Variants in GPC5 observed in about 807,000 individuals in gnomAD.
GPC5 encodes glypican-5.
GPC5 carries 47 observed loss-of-function variants against 53.9 expected under a neutral mutation model. That is an observed-to-expected ratio of 0.87 (90% CI 0.69 to 1.11). The LOEUF (loss-of-function observed/expected upper bound fraction) is 1.11. Among genes scored for constraint, GPC5 ranks in the 50% most tolerant of loss-of-function variants. The pLI is 0.00. For synonymous variants in GPC5, 286 were observed against 263.3 expected, an observed-to-expected ratio of 1.09 and a Z score of -0.84; for missense variants, 748 against 713.1, an observed-to-expected ratio of 1.05 and a Z score of -0.56.
Position 92,158,302 on chromosome 13 carries a change from T to C in GPC5, c.1561+13313T>C, listed in dbSNP as rs76567289. On this transcript the variant is annotated intron_variant, in intron 7 of 7. Coordinates refer to ENST00000377067, the MANE Select transcript of GPC5 (RefSeq NM_004466.6). Reference sequence around the variant, plus strand: ...CAGAAGCCTATATATACAGTTGTCCTATAGAGCCGTTTAGACTTATTCTGA... The same window carrying C: ...CAGAAGCCTATATATACAGTTGTCCCATAGAGCCGTTTAGACTTATTCTGA... Among the ~76,000 whole-genome samples, 241 of 152,302 alleles carry C rather than the reference T, an allele frequency of 1.6e-3. 1 individual carries two copies. Among genetic ancestry groups the C allele is most frequent in the African/African-American group, 5.6e-3 (233 of 41,574 alleles).
intron 7 of GPC5, among the ~76,000 whole-genome samples, chr13:92,536,839 G>A (rs1037721118): frequency 6.6e-6 from 1 of 151,994 alleles, no homozygotes; most frequent in Non-Finnish European, 1.5e-5. Flanking sequence ...ATAGAAAAAA[G>A]AGTCAAATAC....
intron 2 of GPC5, among the ~76,000 whole-genome samples, chr13:91,601,097 C>A (rs926120972): frequency 1.3e-5 from 2 of 152,094 alleles, no homozygotes; most frequent in African/African-American, 2.4e-5. Context: ...ATTGTGAGGG[C>A]ATCTTCAAGA....
chr13:92,562,653 C>A (rs1021894888), intron 7 of GPC5, among the ~76,000 whole-genome samples: 1 of 151,962 alleles, frequency 6.6e-6, no homozygotes, highest in South Asian at 2.1e-4. Context: ...GCTGCGAAAT[C>A]ATCTTTGCTT....
chr13:91,615,864 C>A (rs183125101), intron 2 of GPC5, among the ~76,000 whole-genome samples: 30 of 152,224 alleles, frequency 2.0e-4, no homozygotes, highest in African/African-American at 7.0e-4. Flanking sequence ...CACTCCCCTC[C>A]CTTTTAAAAT....
chr13:91,872,916 T>TA (rs897621063), intron 5 of GPC5, among the ~76,000 whole-genome samples: 3 of 152,170 alleles, frequency 2.0e-5, no homozygotes, highest in African/African-American at 4.8e-5. Context: ...TGGTTTTACT[T>TA]AAAAAACCAG....
At chr13:92,649,717 C>T (rs1301724532) in intron 7 of GPC5, among the ~76,000 whole-genome samples, 1 of 152,094 alleles carries the variant, frequency 6.6e-6, no homozygotes, top group Non-Finnish European at 1.5e-5. Context: ...TTTTGTAAAA[C>T]AAACTTGGTT....
intron 7 of GPC5, among the ~76,000 whole-genome samples, chr13:92,382,921 C>T (rs886679382): frequency 2.7e-5 from 4 of 147,560 alleles, no homozygotes; most frequent in Non-Finnish European, 5.9e-5. Context: ...GAGAATAGCG[C>T]GAACCCGGGA....
chr13:91,498,942 G>T (rs1043622366), intron 2 of GPC5, among the ~76,000 whole-genome samples: 5 of 150,950 alleles, frequency 3.3e-5, no homozygotes, highest in Non-Finnish European at 7.4e-5. Context: ...CTGCACTCCA[G>T]CCTGGGGAAC....
Position 91,762,676 on chromosome 13 carries a change from C to G in GPC5, c.1280+6256C>G, listed in dbSNP as rs546484370. On this transcript the variant is annotated intron_variant, in intron 5 of 7. Transcript: ENST00000377067. ...CTTCCTAATAATTATCATTATCATA[C>G]CTATAGCCTATCATATTTGGTTCAG... 7.9e-5 allele frequency among the ~76,000 whole-genome samples: 12 copies of G among 151,468 alleles called. No individual in the cohort carries two copies. In the South Asian group the frequency reaches 2.5e-3, roughly 32 times the overall value.
intron 7 of GPC5, among the ~76,000 whole-genome samples, chr13:92,187,386 G>A (rs2042191743): frequency 6.6e-6 from 1 of 152,110 alleles, no homozygotes; most frequent in Non-Finnish European, 1.5e-5. Flanking sequence ...CCCCTTGAGA[G>A]GACTCAAAAA....
chr13:92,613,361 ATATT>A (rs1884518490), intron 7 of GPC5, among the ~76,000 whole-genome samples: 6 of 90,788 alleles, frequency 6.6e-5, no homozygotes, highest in South Asian at 7.9e-4. Context: ...AATATATAAT[ATATT>A]TATATATAAA....
chr13:91,800,652 T>C (rs1449964431), intron 5 of GPC5, among the ~76,000 whole-genome samples: 17 of 152,206 alleles, frequency 1.1e-4, no homozygotes, highest in African/African-American at 2.4e-5. Context: ...AGAGGTTTTT[T>C]AAAAGACCTT....
chr13:91,973,375 T>G (rs891653894), intron 6 of GPC5, among the ~76,000 whole-genome samples: 9 of 152,220 alleles, frequency 5.9e-5, no homozygotes, highest in Non-Finnish European at 1.0e-4. Context: ...CGTCTAATTA[T>G]TTTTCAAAGT....
intron 7 of GPC5, among the ~76,000 whole-genome samples, chr13:92,581,723 CTTG>C (rs1324224347): frequency 1.3e-5 from 2 of 152,094 alleles, no homozygotes; most frequent in African/African-American, 4.8e-5. Context: ...CTCACCAATA[CTTG>C]TTGTCATTCA....
intron 7 of GPC5, among the ~76,000 whole-genome samples, chr13:92,309,127 C>G (rs2043129852): frequency 6.6e-6 from 1 of 151,748 alleles, no homozygotes; most frequent in South Asian, 2.1e-4. Context: ...GAATATAGAC[C>G]CTATTGTGCA....
In GPC5 at chr13:91,690,897, G is replaced by A. The variant is rs973639437; in HGVS notation, c.326-2290G>A. On this transcript the variant is annotated intron_variant, in intron 2 of 7. Coordinates refer to ENST00000377067, the MANE Select transcript of GPC5 (RefSeq NM_004466.6). ...AATGCCTGTGATATAGGGTATCTTT[G>A]AATCTATCCTTATTTTATCTTTAAC... Among the ~76,000 whole-genome samples, 3 of 152,256 alleles carry A rather than the reference G, an allele frequency of 2.0e-5. No individual in the cohort carries two copies. In the East Asian group the frequency reaches 5.8e-4, roughly 29 times the overall value.
intron 6 of GPC5, among the ~76,000 whole-genome samples, chr13:92,070,745 C>A (rs1447036351): frequency 6.6e-6 from 1 of 152,110 alleles, no homozygotes; most frequent in African/African-American, 2.4e-5. Flanking sequence ...TTCATTCTGT[C>A]AAATACTTTT....
intron 7 of GPC5, among the ~76,000 whole-genome samples, chr13:92,426,171 C>A (rs1298318085): frequency 2.6e-5 from 4 of 151,840 alleles, no homozygotes; most frequent in Non-Finnish European, 5.9e-5. Flanking sequence ...TAGAGAATAC[C>A]CCTCTTCTCC....
intron 2 of GPC5, among the ~76,000 whole-genome samples, chr13:91,676,110 G>A (rs188962395): frequency 1.2e-4 from 19 of 152,164 alleles, no homozygotes; most frequent in Admixed American, 2.6e-4. Context: ...TCCCTCTGTC[G>A]CCCAGGCTGG....
Sources: allele counts gnomAD v4.1 joint callset (sites outside exome capture counted in the v4.1 genomes callset), GRCh38; gene constraint gnomAD v4.1.1; transcripts MANE v1.5; gene names NCBI Gene and HGNC (gene_info 2026-07-23, HGNC 2026-07-21).